Variants in CNTNAP2 observed in about 807,000 individuals in gnomAD.
CNTNAP2 encodes the protein contactin-associated protein-like 2.
In CNTNAP2, 98 loss-of-function variants were observed where a neutral mutation model predicts 155.2. The ratio of observed to expected loss-of-function variants is 0.63; its 90% confidence interval spans 0.54 to 0.75. The LOEUF is 0.75. Ranked by LOEUF, CNTNAP2 falls within the 30% of genes least tolerant of loss-of-function variation. The probability of loss-of-function intolerance (pLI) is 0.00; values close to 1 mark genes in which losing one functional copy is unlikely to be tolerated. For synonymous variants in CNTNAP2, 651 were observed against 631.2 expected (o/e 1.03, Z -0.47); for missense variants, 1,727 against 1,688.1 (o/e 1.02, Z -0.40).
chr7:147,545,882 C>T (rs1034103577), intron 11 of CNTNAP2, among the ~76,000 whole-genome samples: 3 of 152,180 alleles, frequency 2.0e-5, no homozygotes, highest in Non-Finnish European at 4.4e-5. Context: ...ACAATTTCCC[C>T]TATACTATTC....
At chr7:146,190,452 G>C (rs150395699) in intron 1 of CNTNAP2, among the ~76,000 whole-genome samples, 148 of 152,240 alleles carry the variant, frequency 9.7e-4, no homozygotes, top group African/African-American at 3.4e-3. Context: ...CAATAGCATG[G>C]CTCTACCACA....
At chr7:147,521,756 AAGTCC>A (rs1799232737) in intron 11 of CNTNAP2, among the ~76,000 whole-genome samples, 1 of 152,156 alleles carries the variant, frequency 6.6e-6, no homozygotes, top group Admixed American at 6.5e-5. Context: ...ACCTTGGCTA[AAGTCC>A]CTCTGTGTGG....
chr7:147,822,703 A>ACTG (rs1246347482), intron 13 of CNTNAP2, among the ~76,000 whole-genome samples: 1 of 152,126 alleles, frequency 6.6e-6, no homozygotes, highest in Admixed American at 6.6e-5. Flanking sequence ...GATCATTCAT[A>ACTG]CTGCCACTAA....
intron 13 of CNTNAP2, among the ~76,000 whole-genome samples, chr7:147,729,072 C>T (rs958437580): frequency 2.0e-5 from 3 of 150,546 alleles, no homozygotes; most frequent in African/African-American, 7.3e-5. Context: ...ATTGCTAGGA[C>T]TACAGATACA....
intron 14 of CNTNAP2, among the ~76,000 whole-genome samples, chr7:147,930,001 A>G (rs1390229761): frequency 6.6e-6 from 1 of 152,194 alleles, no homozygotes; most frequent in Non-Finnish European, 1.5e-5. Flanking sequence ...GGCGGAGCTC[A>G]GGCGGGAATG....
At chr7:147,102,791 G>GTTTTCTTT (rs1800682958) in intron 4 of CNTNAP2, among the ~76,000 whole-genome samples, 2 of 152,048 alleles carry the variant, frequency 1.3e-5, no homozygotes, top group African/African-American at 4.8e-5. Flanking sequence ...AAAAAAGAAA[G>GTTTTCTTT]GCAGTGGGTT....
At chr7:146,642,634 T>C (rs1178850393) in intron 1 of CNTNAP2, among the ~76,000 whole-genome samples, 1 of 151,966 alleles carries the variant, frequency 6.6e-6, no homozygotes, top group Non-Finnish European at 1.5e-5. Flanking sequence ...TGCATGTGTC[T>C]TTATAACAGC....
chr7:146,834,951 G>GA (rs1438539099), intron 2 of CNTNAP2, among the ~76,000 whole-genome samples: 1 of 152,036 alleles, frequency 6.6e-6, no homozygotes, highest in South Asian at 2.1e-4. Flanking sequence ...AGACCAAAGA[G>GA]AAAAAGGGAA....
chr7:147,086,480 A>G (rs938270004), intron 4 of CNTNAP2, among the ~76,000 whole-genome samples: 4 of 152,144 alleles, frequency 2.6e-5, no homozygotes, highest in Non-Finnish European at 5.9e-5. Flanking sequence ...TCTATCACCC[A>G]GAATGGAGTG....
At chr7:146,963,146 A>T (rs1005446593) in intron 3 of CNTNAP2, 1 of 152,218 alleles carries the variant, frequency 6.6e-6, no homozygotes, top group African/African-American at 2.4e-5. Flanking sequence ...GAGTTTGGCT[A>T]CCGCGAAATG....
chr7:146,483,688 A>G (rs887092305), intron 1 of CNTNAP2, among the ~76,000 whole-genome samples: 2 of 151,928 alleles, frequency 1.3e-5, no homozygotes, highest in African/African-American at 2.4e-5. Flanking sequence ...AAACAGTTAA[A>G]AGTTAAAAAA....
rs906781225 is a variant in CNTNAP2, at chr7:146,584,245, T to C, written c.98-190026T>C. ...GTTTAAAATTATGGGTTCTTCCATG[T>C]TACACTGATACTACCATATGACACC... On this transcript the variant is annotated intron_variant, in intron 1 of 23. Transcript: ENST00000361727. Among the ~76,000 whole-genome samples, 4 of 152,176 alleles carry C rather than the reference T, an allele frequency of 2.6e-5. No homozygotes were observed. In the South Asian group the frequency reaches 8.3e-4, roughly 32 times the overall value.
intron 13 of CNTNAP2, among the ~76,000 whole-genome samples, chr7:147,784,222 GGTCATATTT>G: frequency 6.6e-6 from 1 of 151,380 alleles, no homozygotes; most frequent in East Asian, 2.0e-4. Context: ...TTCCAAACAA[GGTCATATTT>G]TGAGATATTT....
chr7:146,543,246 T>C (rs1388581897), intron 1 of CNTNAP2, among the ~76,000 whole-genome samples: 4 of 151,918 alleles, frequency 2.6e-5, no homozygotes, highest in Non-Finnish European at 5.9e-5. Flanking sequence ...CAACCAAATA[T>C]GAGAAAGTAT....
chr7:147,182,616 C>CT (rs972544270), intron 8 of CNTNAP2, among the ~76,000 whole-genome samples: 97 of 151,470 alleles, frequency 6.4e-4, no homozygotes, highest in African/African-American at 2.0e-3. Context: ...ACCTAAGTAT[C>CT]TTTTTAAAAA....
At chr7:146,128,330 G>A (rs892766852) in intron 1 of CNTNAP2, among the ~76,000 whole-genome samples, 6 of 152,110 alleles carry the variant, frequency 3.9e-5, no homozygotes, top group Admixed American at 1.3e-4. Context: ...AAAGTATAAG[G>A]ATGCTCAAGC....
chr7:146,914,285 A>T (rs769580424), intron 3 of CNTNAP2, among the ~76,000 whole-genome samples: 11 of 151,140 alleles, frequency 7.3e-5, no homozygotes, highest in Non-Finnish European at 1.6e-4. Flanking sequence ...TTGTATAGTG[A>T]TTTTTTTTCC....
intron 13 of CNTNAP2, among the ~76,000 whole-genome samples, chr7:147,729,366 T>C (rs1221526439): frequency 6.6e-6 from 1 of 151,618 alleles, no homozygotes. Context: ...AATCATCATA[T>C]CTCTAACTTT....
At chr7:146,628,780 T>C (rs770200312) in intron 1 of CNTNAP2, among the ~76,000 whole-genome samples, 3 of 152,034 alleles carry the variant, frequency 2.0e-5, no homozygotes, top group Non-Finnish European at 4.4e-5. Flanking sequence ...CGGAGCAAAA[T>C]AGTCATCTCA....
Sources: gnomAD v4.1 joint callset for allele counts (sites outside exome capture counted in the v4.1 genomes callset) on GRCh38, gnomAD v4.1.1 for gene constraint, MANE v1.5 for transcripts, NCBI Gene and HGNC (gene_info 2026-07-23, HGNC 2026-07-21) for gene names.